Variants in KCNMA1 observed in about 807,000 individuals in gnomAD.
KCNMA1 encodes the protein potassium calcium-activated channel subfamily M alpha 1.
Under a neutral mutation model 140.0 loss-of-function variants are expected in KCNMA1, and 29 were observed. The ratio of observed to expected loss-of-function variants is 0.21; its 90% CI spans 0.15 to 0.28. The LOEUF (loss-of-function observed/expected upper bound fraction) is 0.28, where lower values mean the gene tolerates loss of function less well. KCNMA1 is among the 10% of genes least tolerant of loss of function. The pLI is 1.00. For missense variants in KCNMA1, 880 were observed against 1,602.2 expected (o/e 0.55, Z 7.70); for synonymous variants, 612 against 611.9 (o/e 1.00, Z 0.00).
At chr10:77,266,045 C>A (rs754375204) in intron 2 of KCNMA1, among the ~76,000 whole-genome samples, 17 of 148,228 alleles carry the variant, frequency 1.1e-4, no homozygotes, top group Admixed American at 2.0e-4. Flanking sequence ...AGCACCACTG[C>A]ACTCCAACCT....
intron 3 of KCNMA1, among the ~76,000 whole-genome samples, chr10:77,218,577 G>T (rs1394869663): frequency 2.0e-5 from 3 of 152,064 alleles, no homozygotes; most frequent in African/African-American, 7.2e-5. Flanking sequence ...ACCACCACAC[G>T]ACTCACCCAA....
chr10:77,083,350 G>T (rs1250097299), intron 12 of KCNMA1, among the ~76,000 whole-genome samples: 1 of 152,070 alleles, frequency 6.6e-6, no homozygotes, highest in Non-Finnish European at 1.5e-5. Flanking sequence ...GTTTATGCAA[G>T]GAACAAAAAC....
intron 2 of KCNMA1, among the ~76,000 whole-genome samples, chr10:77,378,858 T>C (rs1481818117): frequency 1.3e-5 from 2 of 152,224 alleles, no homozygotes; most frequent in Non-Finnish European, 2.9e-5. Context: ...AATTTCAAGA[T>C]AGAATTATTA....
intron 5 of KCNMA1, among the ~76,000 whole-genome samples, chr10:77,157,250 G>T (rs1295295930): frequency 6.6e-6 from 1 of 152,136 alleles, no homozygotes; most frequent in African/African-American, 2.4e-5. Context: ...AACCATCCTG[G>T]CCAACATGGT....
chr10:77,450,552 A>G (rs1037978859), intron 1 of KCNMA1, among the ~76,000 whole-genome samples: 4 of 152,050 alleles, frequency 2.6e-5, no homozygotes, highest in African/African-American at 4.8e-5. Context: ...ATTTTTCTGT[A>G]TTTGCCAAGT....
intron 19 of KCNMA1, among the ~76,000 whole-genome samples, chr10:76,975,115 C>A (rs1025972853): frequency 5.9e-5 from 9 of 152,010 alleles, no homozygotes; most frequent in African/African-American, 1.2e-4. Context: ...CGGCCGTCAG[C>A]GACACCAGTG....
intron 1 of KCNMA1, among the ~76,000 whole-genome samples, chr10:77,411,817 C>T (rs982402227): frequency 1.3e-5 from 2 of 152,220 alleles, no homozygotes; most frequent in South Asian, 4.1e-4. Context: ...ACCATAAATT[C>T]ACCCTTCGTG....
intron 1 of KCNMA1, among the ~76,000 whole-genome samples, chr10:77,456,750 T>C (rs1176438001): frequency 1.3e-5 from 2 of 152,140 alleles, no homozygotes; most frequent in Non-Finnish European, 2.9e-5. Context: ...CAGGTCTGTG[T>C]GCTTGAGATC....
intron 14 of KCNMA1, among the ~76,000 whole-genome samples, chr10:77,059,175 C>T (rs1433657361): frequency 1.3e-5 from 2 of 151,812 alleles, no homozygotes; most frequent in African/African-American, 4.8e-5. Flanking sequence ...CCTGAATAGT[C>T]CTATAACCAT....
intron 2 of KCNMA1, among the ~76,000 whole-genome samples, chr10:77,333,112 C>T (rs1255426914): frequency 6.6e-6 from 1 of 152,092 alleles, no homozygotes; most frequent in Non-Finnish European, 1.5e-5. Flanking sequence ...TCGGTTCTGC[C>T]AGCCCATTCG....
intron 1 of KCNMA1, among the ~76,000 whole-genome samples, chr10:77,625,500 C>T (rs2092367368): frequency 6.6e-6 from 1 of 152,104 alleles, no homozygotes; most frequent in South Asian, 2.1e-4. Context: ...AAACTGAAAC[C>T]CTATACCCAT....
At chr10:77,423,691 C>T (rs2096916623) in intron 1 of KCNMA1, among the ~76,000 whole-genome samples, 1 of 152,122 alleles carries the variant, frequency 6.6e-6, no homozygotes, top group Non-Finnish European at 1.5e-5. Context: ...GCTGGCTGCT[C>T]ACATGGGGTC....
chr10:77,200,398 A>G (rs1184825094), intron 3 of KCNMA1, among the ~76,000 whole-genome samples: 2 of 152,178 alleles, frequency 1.3e-5, no homozygotes, highest in Admixed American at 1.3e-4. Context: ...GAAAAAAGTA[A>G]CCTATGCACA....
chr10:77,503,120 G>C (rs927878172), intron 1 of KCNMA1, among the ~76,000 whole-genome samples: 9 of 152,112 alleles, frequency 5.9e-5, no homozygotes, highest in African/African-American at 2.2e-4. Context: ...AAGACCACTT[G>C]GCAACTCTAT....
intron 25 of KCNMA1, among the ~76,000 whole-genome samples, chr10:76,908,957 C>T (rs149988434): frequency 6.6e-6 from 1 of 152,172 alleles, no homozygotes; most frequent in African/African-American, 2.4e-5. Context: ...ATTTTTTAAT[C>T]GTTATTTGTT....
chr10:77,169,358 GT>G (rs1163293844), intron 5 of KCNMA1, among the ~76,000 whole-genome samples: 2 of 151,820 alleles, frequency 1.3e-5, no homozygotes, highest in African/African-American at 2.4e-5. Flanking sequence ...ATGAGACTGA[GT>G]TTTTTGTTTG....
chr10:77,578,490 G>A (rs973911786), intron 1 of KCNMA1, among the ~76,000 whole-genome samples: 33 of 152,186 alleles, frequency 2.2e-4, no homozygotes, highest in African/African-American at 6.8e-4. Flanking sequence ...CTAGAGAAGG[G>A]TCTGAGGGAA....
chr10:76,951,924 G>C (rs553505114), intron 21 of KCNMA1: 3 of 1,018,854 alleles, frequency 2.9e-6, no homozygotes, highest in Non-Finnish European at 4.4e-6. Context: ...GAGAGCAGTC[G>C]TTGTCAGGGA....
intron 16 of KCNMA1, among the ~76,000 whole-genome samples, chr10:77,023,344 G>A (rs776283054): frequency 6.6e-6 from 1 of 152,120 alleles, no homozygotes; most frequent in Non-Finnish European, 1.5e-5. Context: ...GGGTAAATAT[G>A]ATACATATAT....
Sources: gnomAD v4.1 joint callset for allele counts (sites outside exome capture counted in the v4.1 genomes callset) on GRCh38, gnomAD v4.1.1 for gene constraint, MANE v1.5 for transcripts, NCBI Gene and HGNC (gene_info 2026-07-23, HGNC 2026-07-21) for gene names.